The following TBC1D1 variants were observed in gnomAD, a reference collection of about 807,000 sequenced individuals.
TBC1D1 encodes the protein TBC1 domain family member 1.
A neutral mutation model predicts 125.6 loss-of-function variants in TBC1D1; 89 were observed. The observed-to-expected ratio is 0.71, with a 90% confidence interval of 0.60 to 0.85. The LOEUF is 0.85. Among genes scored for constraint, TBC1D1 ranks in the 40% least tolerant of loss-of-function variants. TBC1D1 has a pLI of 0.00. For missense variants in TBC1D1, 1,377 were observed against 1,469.2 expected, an observed-to-expected ratio of 0.94 and a Z score of 1.03; for synonymous variants, 565 against 564.1, an observed-to-expected ratio of 1.00 and a Z score of -0.02.
At chr4:37,904,484 G>A (rs745887122) in intron 2 of TBC1D1, among the ~76,000 whole-genome samples, 4 of 152,164 alleles carry the variant, frequency 2.6e-5, no homozygotes, top group Admixed American at 6.5e-5. Flanking sequence ...GCGTGGAATC[G>A]TTGTTCAGCA....
intron 1 of TBC1D1, among the ~76,000 whole-genome samples, chr4:37,892,390 T>G (rs1436511665): frequency 6.6e-6 from 1 of 152,038 alleles, no homozygotes; most frequent in Non-Finnish European, 1.5e-5. Context: ...CACTGGAGCC[T>G]GGGTGACAAA....
intron 8 of TBC1D1, among the ~76,000 whole-genome samples, chr4:38,036,969 TTCTTTTC>T (rs1747333173): frequency 6.6e-6 from 1 of 152,190 alleles, no homozygotes. Flanking sequence ...TTCAGCCTAT[TTCTTTTC>T]TCTTTTCCAC....
intron 8 of TBC1D1, among the ~76,000 whole-genome samples, chr4:38,039,001 G>C (rs1747778127): frequency 6.7e-6 from 1 of 148,940 alleles, no homozygotes; most frequent in Non-Finnish European, 1.5e-5. Flanking sequence ...TCGTCTTCTA[G>C]TCAGTCCTCA....
intron 12 of TBC1D1, among the ~76,000 whole-genome samples, chr4:38,082,680 C>T (rs1009354230): frequency 3.3e-5 from 5 of 152,198 alleles, no homozygotes; most frequent in African/African-American, 4.8e-5. Flanking sequence ...TTTAGAGCCA[C>T]CAGCCGCCCA....
intron 12 of TBC1D1, among the ~76,000 whole-genome samples, chr4:38,066,570 C>T (rs1753764740): frequency 6.6e-6 from 1 of 152,086 alleles, no homozygotes; most frequent in Non-Finnish European, 1.5e-5. Context: ...TGAATTAAAG[C>T]AATCCTCTTG....
chr4:38,005,593 C>T (rs1375069139), intron 2 of TBC1D1, among the ~76,000 whole-genome samples: 3 of 152,168 alleles, frequency 2.0e-5, no homozygotes, highest in Admixed American at 6.5e-5. Context: ...TGGCCTGAGC[C>T]CCGTACAGGG....
In TBC1D1 at chr4:38,014,538, G is replaced by C. The variant is rs1742221102; in HGVS notation, c.447G>C (p.Gln149His). 1 of 1,613,144 alleles carries C rather than the reference G, an allele frequency of 6.2e-7. No individual in the cohort carries two copies. The highest frequency in any genetic ancestry group is 1.3e-5 in the African/African-American group (1 of 74,952). Residue 149 changes from glutamine to histidine, a missense_variant, in exon 3 of 20, where the codon CAG becomes CAC. Around this residue, in one of 3 missense-constraint regions of TBC1D1, gnomAD observed 822 missense variants for 824.6 expected, o/e 1.00. Coordinates refer to ENST00000261439, the MANE Select transcript of TBC1D1 (RefSeq NM_015173.4). The surrounding 1 kb of genome is among the most constrained non-coding windows in gnomAD (Gnocchi z 5.1). ...CTGAGATCATCAGCTCCATCCGTCA[G>C]GCGGGGAAGATCGCCCGGCAGGAGG...
At chr4:38,086,993 G>A (rs746859649) in intron 12 of TBC1D1, among the ~76,000 whole-genome samples, 16 of 152,036 alleles carry the variant, frequency 1.1e-4, no homozygotes, top group Non-Finnish European at 2.2e-4. Flanking sequence ...GTGTGACCTT[G>A]GCCAAGTTAT....
intron 15 of TBC1D1, among the ~76,000 whole-genome samples, chr4:38,104,096 C>G (rs192719352): frequency 2.9e-5 from 4 of 137,518 alleles, no homozygotes; most frequent in Non-Finnish European, 6.0e-5. Flanking sequence ...GGAGGCGGAG[C>G]TTGCAGTGAG....
intron 12 of TBC1D1, among the ~76,000 whole-genome samples, chr4:38,079,689 T>C (rs1366989319): frequency 2.2e-4 from 33 of 152,016 alleles, no homozygotes; most frequent in Admixed American, 2.2e-3. Flanking sequence ...GATTGTGCCA[T>C]TGCAGTCCAG....
rs763675459 is a variant in TBC1D1, at chr4:38,018,390, A to G, written c.919A>G (p.Thr307Ala). ...TGAAGTTTACCTCATCAGTCCTGAC[A>G]CCAAAAAAATAGCATTGGAGAAAAA... Residue 307 changes from threonine to alanine, a missense_variant, in exon 4 of 20, where the codon ACC (threonine) becomes GCC (alanine). By Grantham distance (58) the Thr-to-Ala change is moderately conservative. Coordinates refer to ENST00000261439, the MANE Select transcript of TBC1D1 (RefSeq NM_015173.4). 1.2e-6 allele frequency: 2 copies of G among 1,612,674 alleles called. No homozygotes were observed. Among genetic ancestry groups the G allele is most frequent in the East Asian group, 2.2e-5 (1 of 44,776 alleles).
chr4:37,977,205 G>A lies in TBC1D1; in HGVS notation c.418-37304G>A, dbSNP rs1300037251. 2 of 152,062 alleles carry A rather than the reference G, an allele frequency of 1.3e-5. No homozygotes were observed. Among genetic ancestry groups the A allele is most frequent in the African/African-American group, 4.8e-5 (2 of 41,404 alleles). 9.4% of individuals were successfully genotyped at this position (152,062 alleles called of 1,614,324 possible). A position where few individuals can be genotyped will look rare whatever the true frequency, so the allele number is the denominator to read the frequency against. Reference sequence around the variant, plus strand: ...CAACTTCCCGCCAGCAGCGGAGCGCGGGGGTGGGCGGGGTCGGCTGCGCGC... The same window carrying A: ...CAACTTCCCGCCAGCAGCGGAGCGCAGGGGTGGGCGGGGTCGGCTGCGCGC... On this transcript the variant is annotated intron_variant, in intron 2 of 19. Transcript: ENST00000261439. The surrounding 1 kb of genome is among the most constrained non-coding windows in gnomAD (Gnocchi z 4.3).
chr4:38,025,523 T>C (rs114654126), intron 6 of TBC1D1, among the ~76,000 whole-genome samples: 5,591 of 152,346 alleles, frequency 0.037, 141 homozygotes, highest in African/African-American at 0.064. Context: ...AGAGGATTGC[T>C]TCACAGCTGC....
In TBC1D1 at chr4:37,998,765, C is replaced by T. The variant is rs111297150; in HGVS notation, c.418-15744C>T. On this transcript the variant is annotated intron_variant, in intron 2 of 19. Coordinates refer to ENST00000261439, the MANE Select transcript of TBC1D1 (RefSeq NM_015173.4). ...TGTGAGGATTAAATGAGATGTAATCCACTGAAAGCATGGCCTCTGGCACAC... is the reference window on the plus strand; with the variant it reads ...TGTGAGGATTAAATGAGATGTAATCTACTGAAAGCATGGCCTCTGGCACAC... 3.2e-3 allele frequency among the ~76,000 whole-genome samples: 488 copies of T among 152,254 alleles called. 2 individuals are homozygous for T. The highest frequency in any genetic ancestry group is 0.011 in the African/African-American group (466 of 41,540).
rs887827775 is a variant in TBC1D1, at chr4:37,995,864, C to G, written c.418-18645C>G. ...TCCATGTGATCACCAGAATGCATTT[C>G]TCTTTGAGAATCCAGACTTCTGGCT... On this transcript the variant is annotated intron_variant, in intron 2 of 19. Coordinates refer to ENST00000261439, the MANE Select transcript of TBC1D1 (RefSeq NM_015173.4). The surrounding 1 kb of genome is among the most constrained non-coding windows in gnomAD (Gnocchi z 4.3). 2.6e-5 allele frequency: 15 copies of G among 578,296 alleles called. No homozygotes were observed. The highest frequency in any genetic ancestry group is 2.4e-4 in the East Asian group (5 of 20,498). 35.8% of individuals were successfully genotyped at this position (578,296 alleles called of 1,614,324 possible).
At chr4:37,907,627 G>A (rs1717613362) in intron 2 of TBC1D1, among the ~76,000 whole-genome samples, 1 of 152,198 alleles carries the variant, frequency 6.6e-6, no homozygotes, top group South Asian at 2.1e-4. Flanking sequence ...TTAAAATGTA[G>A]TGTTGCCTTT....
intron 18 of TBC1D1, among the ~76,000 whole-genome samples, chr4:38,129,244 T>C (rs1765172245): frequency 6.6e-6 from 1 of 152,208 alleles, no homozygotes; most frequent in Non-Finnish European, 1.5e-5. Context: ...CCAGGGTTCC[T>C]GTATTCAGAA....
At chr4:37,929,773 C>T (rs1039474893) in intron 2 of TBC1D1, among the ~76,000 whole-genome samples, 2 of 152,178 alleles carry the variant, frequency 1.3e-5, no homozygotes, top group East Asian at 1.9e-4. Flanking sequence ...TCCTCCCTAA[C>T]GTGAACTATG....
intron 2 of TBC1D1, among the ~76,000 whole-genome samples, chr4:37,918,215 A>G (rs1186212510): frequency 6.6e-6 from 1 of 152,224 alleles, no homozygotes; most frequent in Non-Finnish European, 1.5e-5. Context: ...TTTCCACCAT[A>G]TTATGAGTTA....
Sources: gnomAD v4.1 joint callset for allele counts (sites outside exome capture counted in the v4.1 genomes callset) on GRCh38, gnomAD v4.1.1 for gene constraint, gnomAD v4.1.1 regional missense constraint, Gnocchi (gnomAD v3.1) non-coding constraint, MANE v1.5 for transcripts, NCBI Gene and HGNC (gene_info 2026-07-23, HGNC 2026-07-21) for gene names.